The following PRDM5 variants were observed in gnomAD, a reference collection of about 807,000 sequenced individuals.
PRDM5 encodes the protein PR/SET domain 5.
In PRDM5, 56 loss-of-function variants were observed where a neutral mutation model predicts 81.2. That is an observed-to-expected ratio of 0.69 (90% confidence interval 0.56 to 0.86). The LOEUF is 0.86. Among genes scored for constraint, PRDM5 ranks in the 40% least tolerant of loss-of-function variants. The pLI, the probability that PRDM5 is intolerant of heterozygous loss-of-function variation, is 0.00. For missense variants in PRDM5, 697 were observed against 770.1 expected (o/e 0.91, Z 1.12); for synonymous variants, 267 against 256.4 (o/e 1.04, Z -0.39).
chr4:120,850,614 T>C (rs1255167947), intron 3 of PRDM5, among the ~76,000 whole-genome samples: 25 of 152,152 alleles, frequency 1.6e-4, no homozygotes, highest in Admixed American at 1.6e-3. Flanking sequence ...GCCACTGTCA[T>C]TGCTCTGCAC....
chr4:120,841,088 T>C (rs772172119), intron 3 of PRDM5, among the ~76,000 whole-genome samples: 68 of 152,302 alleles, frequency 4.5e-4, no homozygotes, highest in Non-Finnish European at 8.7e-4. Context: ...GTTTTTTAAA[T>C]CATGTGAGAT....
intron 13 of PRDM5, among the ~76,000 whole-genome samples, chr4:120,757,235 A>C (rs568358124): frequency 4.6e-5 from 7 of 152,348 alleles, no homozygotes; most frequent in African/African-American, 1.2e-4. Flanking sequence ...AAAAAGGCTA[A>C]CTTCTTTTAA....
chr4:120,747,796 T>C (rs1743358230), intron 14 of PRDM5, among the ~76,000 whole-genome samples: 1 of 152,220 alleles, frequency 6.6e-6, no homozygotes, highest in African/African-American at 2.4e-5. Flanking sequence ...ATTTGGCTGT[T>C]TCTGCAAACA....
intron 2 of PRDM5, among the ~76,000 whole-genome samples, chr4:120,864,939 C>G (rs1280887540): frequency 1.3e-5 from 2 of 152,208 alleles, no homozygotes; most frequent in Non-Finnish European, 2.9e-5. Flanking sequence ...GGTAGGATCA[C>G]TGGCATAGGA....
intron 2 of PRDM5, among the ~76,000 whole-genome samples, chr4:120,900,055 A>C (rs1765069277): frequency 6.6e-6 from 1 of 152,232 alleles, no homozygotes; most frequent in Non-Finnish European, 1.5e-5. Context: ...AGGGACGCAA[A>C]GCTTCCATGC....
chr4:120,922,694 T>C lies in PRDM5; in HGVS notation c.-86A>G. On this transcript the variant is annotated 5_prime_UTR_variant, in exon 1 of 16. Transcript: ENST00000264808. Reference sequence around the variant, plus strand: ...CACATCGAAATTTGGGGTGCCAGGGTAGAGGGGAGAAACCGGCAGGGAAGG... The same window carrying C: ...CACATCGAAATTTGGGGTGCCAGGGCAGAGGGGAGAAACCGGCAGGGAAGG... 1.3e-6 allele frequency: 2 copies of C among 1,510,130 alleles called. No homozygotes were observed. The allele number at this position is 1,510,130 out of a possible 1,614,324, so 93.5% of individuals were successfully genotyped here.
intron 10 of PRDM5, among the ~76,000 whole-genome samples, chr4:120,796,119 T>A (rs1430320164): frequency 6.6e-6 from 1 of 152,148 alleles, no homozygotes; most frequent in African/African-American, 2.4e-5. Context: ...AAGATCACAC[T>A]GACTCTTAAC....
intron 2 of PRDM5, among the ~76,000 whole-genome samples, chr4:120,877,021 G>T (rs1226275852): frequency 6.6e-6 from 1 of 152,060 alleles, no homozygotes; most frequent in Non-Finnish European, 1.5e-5. Flanking sequence ...TCTTATCTGA[G>T]AAACAGCACA....
intron 14 of PRDM5, among the ~76,000 whole-genome samples, chr4:120,749,373 T>G (rs1743626561): frequency 6.6e-6 from 1 of 152,158 alleles, no homozygotes; most frequent in South Asian, 2.1e-4. Flanking sequence ...CCACAGCCAC[T>G]CATCTGTTTT....
intron 12 of PRDM5, among the ~76,000 whole-genome samples, chr4:120,779,672 C>T (rs530100861): frequency 1.1e-4 from 17 of 152,194 alleles, no homozygotes; most frequent in Admixed American, 6.6e-4. Context: ...GAACCCAAGG[C>T]GGGCACATCA....
In PRDM5 at chr4:120,885,257, C is replaced by T. The variant is rs190168883; in HGVS notation, c.177+22217G>A. On this transcript the variant is annotated intron_variant, in intron 2 of 15. Coordinates refer to ENST00000264808, the MANE Select transcript of PRDM5 (RefSeq NM_018699.4). ...GATTCTTCAAAAGGTACCCCTATTC[C>T]TTACAGACACTATCTTGTCTGCAAC... Among the ~76,000 whole-genome samples, 48 of 151,998 alleles carry T rather than the reference C, an allele frequency of 3.2e-4. No individual in the cohort carries two copies. In the East Asian group the frequency reaches 7.4e-3, roughly 23 times the overall value.
intron 3 of PRDM5, among the ~76,000 whole-genome samples, chr4:120,840,813 C>T (rs1460578168): frequency 2.6e-5 from 4 of 152,226 alleles, no homozygotes; most frequent in South Asian, 2.1e-4. Flanking sequence ...TCCCCATACC[C>T]TCCCTGCAGT....
chr4:120,907,576 A>C lies in PRDM5; in HGVS notation c.94-19T>G. On this transcript the variant is annotated intron_variant, in intron 1 of 15. Coordinates refer to ENST00000264808, the MANE Select transcript of PRDM5 (RefSeq NM_018699.4). ...TTTCACCCTGAGTAGCAATGATTATATTGAACAAGGATTAGTACAATAAAT... is the reference window on the plus strand; with the variant it reads ...TTTCACCCTGAGTAGCAATGATTATCTTGAACAAGGATTAGTACAATAAAT... The C allele has an allele frequency of 6.4e-7, 1 of 1,571,004 alleles. No homozygotes were observed. Among genetic ancestry groups the C allele is most frequent in the Non-Finnish European group, 8.8e-7 (1 of 1,140,852 alleles).
intron 14 of PRDM5, among the ~76,000 whole-genome samples, chr4:120,727,131 C>T (rs1393046983): frequency 6.6e-6 from 1 of 152,006 alleles, no homozygotes; most frequent in Non-Finnish European, 1.5e-5. Context: ...CTCTACAAAG[C>T]CAAATATATG....
At chr4:120,689,301 A>G (rs1167981407), downstream of PRDM5, among the ~76,000 whole-genome samples, 2 of 152,074 alleles carry the variant, frequency 1.3e-5, no homozygotes, top group African/African-American at 4.8e-5. Context: ...GTAGAACTGG[A>G]GACTACACCA....
chr4:120,703,614 C>T (rs1048692917), intron 15 of PRDM5, among the ~76,000 whole-genome samples: 4 of 152,164 alleles, frequency 2.6e-5, no homozygotes, highest in African/African-American at 9.7e-5. Flanking sequence ...TTACAACTTT[C>T]ACCATGTTCC....
At chr4:120,894,659 A>G (rs1393617250) in intron 2 of PRDM5, among the ~76,000 whole-genome samples, 1 of 152,244 alleles carries the variant, frequency 6.6e-6, no homozygotes, top group Non-Finnish European at 1.5e-5. Context: ...CAAAAGAAAC[A>G]TATATGTATT....
intron 13 of PRDM5, among the ~76,000 whole-genome samples, chr4:120,758,019 T>A (rs1382068002): frequency 6.6e-6 from 1 of 152,032 alleles, no homozygotes; most frequent in Non-Finnish European, 1.5e-5. Context: ...AGTACCTACA[T>A]CAACAAACCC....
intron 15 of PRDM5, among the ~76,000 whole-genome samples, chr4:120,699,398 TG>T (rs1302650512): frequency 2.6e-4 from 39 of 151,902 alleles, no homozygotes; most frequent in Admixed American, 2.2e-3. Context: ...TTGTTCATTT[TG>T]TAAGCATTAC....
Sources: gnomAD v4.1 joint callset for allele counts (sites outside exome capture counted in the v4.1 genomes callset) on GRCh38, gnomAD v4.1.1 for gene constraint, MANE v1.5 for transcripts, NCBI Gene and HGNC (gene_info 2026-07-23, HGNC 2026-07-21) for gene names.